The following TRAPPC9 variants were observed in gnomAD, a reference collection of about 807,000 sequenced individuals.
TRAPPC9 encodes the protein trafficking protein particle complex subunit 9.
A neutral mutation model predicts 124.0 loss-of-function variants in TRAPPC9; 83 were observed. The observed-to-expected ratio is 0.67, with a 90% confidence interval of 0.56 to 0.80. The LOEUF (loss-of-function observed/expected upper bound fraction) is 0.80, where lower values mean the gene tolerates loss of function less well. Ranked by LOEUF, TRAPPC9 falls within the 30% of genes least tolerant of loss-of-function variation. The pLI is 0.00. For synonymous variants in TRAPPC9, 638 were observed against 617.5 expected, an observed-to-expected ratio of 1.03 and a Z score of -0.49; for missense variants, 1,302 against 1,508.3, an observed-to-expected ratio of 0.86 and a Z score of 2.27.
intron 21 of TRAPPC9, among the ~76,000 whole-genome samples, chr8:139,855,084 G>A (rs554651175): frequency 3.3e-5 from 5 of 152,278 alleles, no homozygotes; most frequent in South Asian, 4.1e-4. Context: ...GGCGGGAGAC[G>A]CTGCCTCCTC....
chr8:140,027,687 G>C (rs376742315), intron 17 of TRAPPC9, among the ~76,000 whole-genome samples: 1 of 152,156 alleles, frequency 6.6e-6, no homozygotes, highest in East Asian at 1.9e-4. Context: ...AGAACTGCCC[G>C]AGACTGGGTA....
intron 9 of TRAPPC9, among the ~76,000 whole-genome samples, chr8:140,338,702 C>A (rs909835026): frequency 2.0e-5 from 3 of 151,670 alleles, no homozygotes; most frequent in African/African-American, 4.8e-5. Context: ...AAGAAGACGG[C>A]CACCTACAGG....
chr8:140,450,753 G>C, intron 2 of TRAPPC9, 37 bp downstream of exon 2: 1 of 1,525,036 alleles, frequency 6.6e-7, no homozygotes, highest in Non-Finnish European at 9.0e-7. Context: ...TTCTGATGCA[G>C]GGAAGCCAAG....
intron 6 of TRAPPC9, chr8:140,405,202 A>G (rs907218976): frequency 1.2e-5 from 2 of 168,444 alleles, no homozygotes; most frequent in African/African-American, 4.8e-5. Flanking sequence ...GAAGATTTCA[A>G]CAGCATAGAA....
chr8:140,094,649 A>G (rs958906864), intron 17 of TRAPPC9, among the ~76,000 whole-genome samples: 6 of 152,148 alleles, frequency 3.9e-5, no homozygotes, highest in African/African-American at 1.4e-4. Context: ...CCTCAAGAAG[A>G]GGGCCTCGTC....
rs367765204 is a variant in TRAPPC9 at position 140,405,652 on chromosome 8, G to A, written c.933C>T (p.Ile311=). The change falls in exon 6 of 23, where the codon ATC becomes ATT. Residue 311 remains isoleucine (I), a synonymous_variant. Coordinates refer to ENST00000438773, the MANE Select transcript of TRAPPC9 (RefSeq NM_001160372.4). The stretch of plus-strand genomic sequence containing the variant: ...GGCTAAGGCAGTTCTTAGCACGTCC[G>A]ATCTCAGTACTGGTGTCAGGGTTGA... The part of the protein sequence containing the change: ...NGINPDTSTE[I]GRAKNCLSPE... 1.6e-5 allele frequency: 26 copies of A among 1,614,016 alleles called. No individual in the cohort carries two copies. Among genetic ancestry groups the A allele is most frequent in the South Asian group, 5.5e-5 (5 of 91,084 alleles).
At chr8:139,866,764 C>CTATG (rs1554661360) in intron 21 of TRAPPC9, among the ~76,000 whole-genome samples, 3 of 151,134 alleles carry the variant, frequency 2.0e-5, no homozygotes, top group African/African-American at 7.3e-5. Context: ...GATGTTGAGG[C>CTATG]TGTGTGTGTG....
intron 17 of TRAPPC9, among the ~76,000 whole-genome samples, chr8:140,126,204 T>C (rs1274189297): frequency 1.3e-5 from 2 of 152,072 alleles, no homozygotes; most frequent in African/African-American, 4.8e-5. Flanking sequence ...AAGCTGCTCT[T>C]AGCTCTTCTC....
At chr8:140,075,261 A>C (rs1843437202) in intron 17 of TRAPPC9, among the ~76,000 whole-genome samples, 1 of 152,240 alleles carries the variant, frequency 6.6e-6, no homozygotes, top group Non-Finnish European at 1.5e-5. Flanking sequence ...TATAATGTAC[A>C]TAAAACTATT....
At chr8:140,450,414 G>C (rs1051198925) in intron 2 of TRAPPC9, among the ~76,000 whole-genome samples, 1 of 152,110 alleles carries the variant, frequency 6.6e-6, no homozygotes, top group Non-Finnish European at 1.5e-5. Flanking sequence ...TCAAAATCTG[G>C]CGTGGGTTTT....
intron 17 of TRAPPC9, among the ~76,000 whole-genome samples, chr8:140,203,499 G>A (rs1378516784): frequency 6.6e-6 from 1 of 152,256 alleles, no homozygotes; most frequent in Non-Finnish European, 1.5e-5. Flanking sequence ...GGCCAGGACA[G>A]TGACAGTGCT....
At chr8:139,802,954 T>A (rs1823647225) in intron 21 of TRAPPC9, among the ~76,000 whole-genome samples, 1 of 152,024 alleles carries the variant, frequency 6.6e-6, no homozygotes, top group Non-Finnish European at 1.5e-5. Context: ...TATGTGAAGA[T>A]GTGTGCTGTT....
At chr8:140,312,545 T>C (rs1440013718) in intron 9 of TRAPPC9, among the ~76,000 whole-genome samples, 2 of 152,126 alleles carry the variant, frequency 1.3e-5, no homozygotes, top group Non-Finnish European at 2.9e-5. Flanking sequence ...ACTGAAATGA[T>C]AATAACCATT....
intron 21 of TRAPPC9, among the ~76,000 whole-genome samples, chr8:139,750,079 T>C (rs1443486769): frequency 6.6e-6 from 1 of 151,772 alleles, no homozygotes; most frequent in Non-Finnish European, 1.5e-5. Flanking sequence ...CTGGGAGTGG[T>C]GGGGGCTGGA....
upstream of TRAPPC9, chr8:140,458,181 G>A (rs1021528296): frequency 6.5e-7 from 1 of 1,546,758 alleles, no homozygotes; most frequent in African/African-American, 1.4e-5. Context: ...AGCGAGGAGG[G>A]AGGGAGGGAC....
At chr8:139,822,353 C>T (rs776082640) in intron 21 of TRAPPC9, among the ~76,000 whole-genome samples, 9 of 152,170 alleles carry the variant, frequency 5.9e-5, no homozygotes, top group Non-Finnish European at 1.3e-4. Context: ...TAAGGCATGG[C>T]CTCCCATTTG....
chr8:140,358,619 A>T (rs1416640537), intron 9 of TRAPPC9, among the ~76,000 whole-genome samples: 1 of 152,224 alleles, frequency 6.6e-6, no homozygotes, highest in South Asian at 2.1e-4. Context: ...CAGTGGGTGG[A>T]GGGCTGGAGA....
At chr8:140,058,543 C>T (rs1842414599) in intron 17 of TRAPPC9, among the ~76,000 whole-genome samples, 1 of 152,170 alleles carries the variant, frequency 6.6e-6, no homozygotes. Context: ...AAATGCAGGG[C>T]CTGGGCCTAC....
Position 139,988,849 on chromosome 8 carries a change from A to T in TRAPPC9, c.2700-13T>A, listed in dbSNP as rs1837439849. The T allele has an allele frequency of 1.3e-6, 2 of 1,523,962 alleles. No homozygotes were observed. The highest frequency in any genetic ancestry group is 8.9e-7 in the Non-Finnish European group (1 of 1,122,520). 94.4% of individuals were successfully genotyped at this position (1,523,962 alleles called of 1,614,324 possible). A position where few individuals can be genotyped will look rare whatever the true frequency, so the allele number is the denominator to read the frequency against. ...ACACTGCCGGGTACTGCGTTAAAGA[A>T]AAAAGAAAGTTCAGAATCCTCTGAC... On this transcript the variant is annotated splice_polypyrimidine_tract_variant and intron_variant, in intron 18 of 22. Transcript: ENST00000438773.
Sources: allele counts gnomAD v4.1 joint callset (sites outside exome capture counted in the v4.1 genomes callset), GRCh38; gene constraint gnomAD v4.1.1; transcripts MANE v1.5; gene names NCBI Gene and HGNC (gene_info 2026-07-23, HGNC 2026-07-21).